Variants in CABIN1 observed in about 807,000 individuals in gnomAD.
CABIN1 encodes the protein calcineurin binding protein 1, also known as calcineurin-binding protein cabin-1.
In CABIN1, 133 loss-of-function variants were observed where a neutral mutation model predicts 227.7. The observed-to-expected ratio is 0.58, with a 90% confidence interval of 0.51 to 0.67. The LOEUF is 0.67. Ranked by LOEUF, CABIN1 falls within the 30% of genes least tolerant of loss-of-function variation. The pLI is 0.00. For missense variants in CABIN1, 2,408 were observed against 2,852.5 expected, an observed-to-expected ratio of 0.84 and a Z score of 3.55; for synonymous variants, 1,086 against 1,155.1, an observed-to-expected ratio of 0.94 and a Z score of 1.21.
chr22:24,124,886 G>C (rs990313399), intron 28 of CABIN1, among the ~76,000 whole-genome samples: 9 of 152,118 alleles, frequency 5.9e-5, no homozygotes, highest in African/African-American at 1.2e-4. Context: ...GATGTTCCCT[G>C]GAGCCAATAA....
chr22:24,158,430 C>T (rs1043770381), intron 29 of CABIN1, among the ~76,000 whole-genome samples: 1 of 152,216 alleles, frequency 6.6e-6, no homozygotes, highest in Non-Finnish European at 1.5e-5. Flanking sequence ...GAGCCAGATG[C>T]TCACCAGTAG....
At chr22:24,086,547 C>A (rs1004058) in intron 22 of CABIN1, among the ~76,000 whole-genome samples, 7,683 of 152,344 alleles carry the variant, frequency 0.05, 278 homozygotes, top group South Asian at 0.11. Context: ...CTGGCCTTAA[C>A]AGGCAGGTGC....
intron 29 of CABIN1, among the ~76,000 whole-genome samples, chr22:24,136,482 T>A (rs2044407726): frequency 6.8e-6 from 1 of 147,642 alleles, no homozygotes; most frequent in Non-Finnish European, 1.5e-5. Context: ...CACAAGTAGC[T>A]GGGACTACGG....
intron 27 of CABIN1, among the ~76,000 whole-genome samples, chr22:24,116,286 C>A (rs1452888623): frequency 6.6e-6 from 1 of 152,224 alleles, no homozygotes; most frequent in Non-Finnish European, 1.5e-5. Context: ...TAAACACAAG[C>A]CCACTCTATC....
chr22:24,056,540 G>T, intron 10 of CABIN1, 180 bp downstream of exon 10: 1 of 642,590 alleles, frequency 1.6e-6, no homozygotes, highest in Non-Finnish European at 2.7e-6. Flanking sequence ...GATTTTTCTC[G>T]CCTCTTCCCA....
At chr22:24,025,478 C>T (rs901251141) in intron 1 of CABIN1, among the ~76,000 whole-genome samples, 6 of 152,262 alleles carry the variant, frequency 3.9e-5, no homozygotes, top group African/African-American at 1.4e-4. Context: ...CACAAACCCA[C>T]ATTTTTGTAG....
At chr22:24,016,248 T>C (rs2035274450) in intron 1 of CABIN1, among the ~76,000 whole-genome samples, 3 of 152,232 alleles carry the variant, frequency 2.0e-5, no homozygotes, top group Non-Finnish European at 4.4e-5. Flanking sequence ...GATCATACAA[T>C]ATGTGGTATT....
chr22:24,050,011 C>G (rs1433234152), intron 7 of CABIN1, among the ~76,000 whole-genome samples: 1 of 152,170 alleles, frequency 6.6e-6, no homozygotes, highest in Non-Finnish European at 1.5e-5. Flanking sequence ...CAGGTCACCT[C>G]TCTGTTGCTT....
intron 31 of CABIN1, among the ~76,000 whole-genome samples, chr22:24,165,939 CA>C (rs1882072319): frequency 6.6e-6 from 1 of 152,226 alleles, no homozygotes; most frequent in Non-Finnish European, 1.5e-5. Context: ...GCAGGCTGAC[CA>C]AGGCCTATGA....
rs747868650 is a variant in CABIN1, at chr22:24,059,344, A to C, written c.1380A>C (p.Ser460=). The part of the protein sequence containing the change: ...SIGPQRLSFD[S]ATFMESEKQD... ...GGCCTCAAAGGCTGTCATTTGACTC[A>C]GCCACATTCATGGAATCTGGTAGGA... is the stretch of plus-strand genomic sequence containing the variant. Residue 460 remains serine (S), a synonymous_variant, in exon 11 of 37, where the codon TCA becomes TCC. Transcript: ENST00000263119. 2.4e-5 allele frequency: 38 copies of C among 1,614,200 alleles called. No homozygotes were observed. The highest frequency in any genetic ancestry group is 3.1e-5 in the Non-Finnish European group (37 of 1,180,024).
intron 6 of CABIN1, 38 bp downstream of exon 6, chr22:24,043,122 G>A (rs758651523): frequency 1.2e-6 from 2 of 1,603,194 alleles, no homozygotes; most frequent in Non-Finnish European, 1.7e-6. Flanking sequence ...ATGTGCCAGT[G>A]GTTTTTGGAA....
intron 25 of CABIN1, 114 bp from the exon 26 acceptor site, chr22:24,097,900 C>A: frequency 7.3e-7 from 1 of 1,373,516 alleles, no homozygotes; most frequent in Non-Finnish European, 1.0e-6. Context: ...TGGGGGCCAC[C>A]AGAGGTGCAT....
intron 26 of CABIN1, among the ~76,000 whole-genome samples, chr22:24,111,235 C>G (rs755455144): frequency 1.3e-5 from 2 of 152,214 alleles, no homozygotes; most frequent in Non-Finnish European, 2.9e-5. Context: ...TCTAAACATG[C>G]TCAGAACACT....
chr22:24,143,268 T>C (rs1480050253), intron 29 of CABIN1, among the ~76,000 whole-genome samples: 1 of 152,150 alleles, frequency 6.6e-6, no homozygotes, highest in Non-Finnish European at 1.5e-5. Context: ...GTTATCTGAA[T>C]GGCCCATTGG....
chr22:24,072,699 G>T (rs1314999469), intron 18 of CABIN1, among the ~76,000 whole-genome samples, 189 bp downstream of exon 18: 1 of 152,238 alleles, frequency 6.6e-6, no homozygotes, highest in East Asian at 1.9e-4. Flanking sequence ...AGCTTACTGT[G>T]CAGTGGGCAC....
chr22:24,066,968 A>G lies in CABIN1; in HGVS notation c.2038-19A>G, dbSNP rs2039727006. 6.2e-7 allele frequency: 1 copy of G among 1,613,894 alleles called. No homozygotes were observed. The highest frequency in any genetic ancestry group is 8.5e-7 in the Non-Finnish European group (1 of 1,179,902). ...GCTGAGGGGTTTACCCTCATACAGC[A>G]TTGCCGGGCCTTTTTCAGATTGATA... is the stretch of plus-strand genomic sequence containing the variant. On this transcript the variant is annotated intron_variant, in intron 15 of 36. Transcript: ENST00000263119.
intron 29 of CABIN1, chr22:24,160,459 C>T (rs1197722177): frequency 1.3e-5 from 2 of 152,254 alleles, no homozygotes; most frequent in African/African-American, 4.8e-5. Flanking sequence ...CTCAGGGAGC[C>T]TCAGAACAGC....
intron 29 of CABIN1, chr22:24,156,096 G>GGGGGCCGGGACTGGGGCCGGGACT (rs771011930): frequency 4.8e-6 from 2 of 414,570 alleles, no homozygotes; most frequent in Non-Finnish European, 4.3e-6. Context: ...TGGCGGGGGC[G>GGGGGCCGGGACTGGGGCCGGGACT]GGGGCCGGGA....
intron 1 of CABIN1, among the ~76,000 whole-genome samples, chr22:24,031,769 C>T (rs180937881): frequency 1.8e-3 from 276 of 152,254 alleles, no homozygotes; most frequent in Admixed American, 4.4e-3. Flanking sequence ...CCATAGCTGG[C>T]CCCTGGGGCT....
Sources: gnomAD v4.1 joint callset for allele counts (sites outside exome capture counted in the v4.1 genomes callset) on GRCh38, gnomAD v4.1.1 for gene constraint, MANE v1.5 for transcripts, NCBI Gene and HGNC (gene_info 2026-07-23, HGNC 2026-07-21) for gene names.